Variants in ASAP3 observed in about 807,000 individuals in gnomAD.
The protein encoded by ASAP3 is arf-GAP with SH3 domain, ANK repeat and PH domain-containing protein 3.
ASAP3 carries 85 observed loss-of-function variants against 118.2 expected under a neutral mutation model. The observed-to-expected ratio is 0.72, with a 90% CI of 0.60 to 0.86. The LOEUF (loss-of-function observed/expected upper bound fraction) is 0.86. Among genes scored for constraint, ASAP3 ranks in the 40% least tolerant of loss-of-function variants. ASAP3 has a pLI of 0.00. For synonymous variants in ASAP3, 432 were observed against 477.4 expected (o/e 0.90, Z 1.24); for missense variants, 1,026 against 1,175.0 (o/e 0.87, Z 1.85).
At chr1:23,455,737 G>T in intron 3 of ASAP3, 144 bp downstream of exon 3, 2 of 988,524 alleles carry the variant, frequency 2.0e-6, no homozygotes, top group South Asian at 1.6e-5. Flanking sequence ...AAGGGTCAGG[G>T]CTGGAAAGGG....
chr1:23,457,447 G>A (rs1158455270), intron 1 of ASAP3, among the ~76,000 whole-genome samples: 1 of 152,236 alleles, frequency 6.6e-6, no homozygotes, highest in Non-Finnish European at 1.5e-5. Flanking sequence ...CATGTGGGAA[G>A]CCTCTGGAGG....
chr1:23,484,365 C>A, upstream of ASAP3: 3 of 343,512 alleles, frequency 8.7e-6, no homozygotes. Context: ...GCCCCGGTCC[C>A]GGCCCCGCAC....
At chr1:23,452,635 A>G in intron 4 of ASAP3, 62 bp downstream of exon 4, 3 of 1,554,984 alleles carry the variant, frequency 1.9e-6, no homozygotes, top group Non-Finnish European at 2.7e-6. Context: ...CTGCCCCCCA[A>G]CAGTCTCCTG....
At position 23,451,500 on chromosome 1, in the gene ASAP3, C is replaced by T; in HGVS notation, c.452G>A (p.Trp151Ter). Residue 151 changes from tryptophan to a stop codon, truncating the protein, a stop_gained, in exon 5 of 25, where the codon TGG (tryptophan) becomes TAG (stop). Transcript: ENST00000336689. LOFTEE classifies it high-confidence loss of function. ...QDSKKQLEKA[W>*]KDYEAKMAKL... ...TTACATTTTGGCTTCATAGTCCTTC[C>T]ATGCCTTCTCCAGCTGTTTTTTGGA... is the stretch of plus-strand genomic sequence containing the variant. 6.2e-7 allele frequency: 1 copy of T among 1,614,204 alleles called. No homozygotes were observed. The highest frequency in any genetic ancestry group is 8.5e-7 in the Non-Finnish European group (1 of 1,180,024).
At position 23,441,230 on chromosome 1, in the gene ASAP3, A is replaced by G; in HGVS notation, c.835-19T>C. 6.2e-7 allele frequency: 1 copy of G among 1,613,712 alleles called. No individual in the cohort carries two copies. The highest frequency in any genetic ancestry group is 8.5e-7 in the Non-Finnish European group (1 of 1,179,704). On this transcript the variant is annotated intron_variant, in intron 9 of 24. Coordinates refer to ENST00000336689, the MANE Select transcript of ASAP3 (RefSeq NM_017707.4). The stretch of plus-strand genomic sequence containing the variant: ...GGTGTTCCTGTCCCTCGGACATGCA[A>G]AGGAGACCTCAGGGCATCTCAGTGG...
At chr1:23,464,659 TAAAAAAAAAAAAAAAAAA>T (rs57655847) in intron 1 of ASAP3, among the ~76,000 whole-genome samples, 10 of 47,096 alleles carry the variant, frequency 2.1e-4, no homozygotes, top group East Asian at 1.0e-3. Flanking sequence ...GACACTGTCT[TAAAAAAAAAAAAAAAAAA>T]AAAAAAAAAA....
chr1:23,474,587 T>G (rs573980505), intron 1 of ASAP3, among the ~76,000 whole-genome samples: 1 of 151,866 alleles, frequency 6.6e-6, no homozygotes, highest in Non-Finnish European at 1.5e-5. Context: ...TTTATTTATT[T>G]ATTTTTATTT....
At chr1:23,484,287 C>A (rs1238038377), upstream of ASAP3, 2 of 740,056 alleles carry the variant, frequency 2.7e-6, no homozygotes, top group Non-Finnish European at 1.8e-6. Flanking sequence ...AGCCGCTCTC[C>A]GCTCCTCAGC....
chr1:23,470,111 C>T (rs1425770276), intron 1 of ASAP3, among the ~76,000 whole-genome samples: 1 of 152,172 alleles, frequency 6.6e-6, no homozygotes, highest in Non-Finnish European at 1.5e-5. Flanking sequence ...TGCCATTAAG[C>T]CCTCAGTGTG....
intron 8 of ASAP3, 82 bp from the exon 9 acceptor site, chr1:23,441,555 A>C: frequency 6.3e-7 from 1 of 1,596,912 alleles, no homozygotes; most frequent in South Asian, 1.1e-5. Context: ...GCAGAGCAGT[A>C]GCCTCACTCT....
At chr1:23,473,977 T>TTTTTTTC (rs1354255797) in intron 1 of ASAP3, among the ~76,000 whole-genome samples, 1,331 of 129,612 alleles carry the variant, frequency 0.01, 13 homozygotes, top group Non-Finnish European at 0.018. Flanking sequence ...ATCTGCTCTT[T>TTTTTTTC]TTTTTTTTTT....
chr1:23,454,173 C>T (rs922024148), intron 3 of ASAP3, among the ~76,000 whole-genome samples: 1 of 147,838 alleles, frequency 6.8e-6, no homozygotes, highest in Non-Finnish European at 1.5e-5. Flanking sequence ...GGCATACGCC[C>T]CCACACCTGG....
rs1228088530 is a variant in ASAP3, at chr1:23,436,272, A to G, written c.1572-244T>C. On this transcript the variant is annotated intron_variant, in intron 16 of 24. Coordinates refer to ENST00000336689, the MANE Select transcript of ASAP3 (RefSeq NM_017707.4). The surrounding 1 kb of genome is among the most constrained non-coding windows in gnomAD (Gnocchi z 4.2). ...CTGCTTCCAGGGTTCAAGCAATTCT[A>G]GTGCCTCAACCTCCTGAGTAGCTGG... Among the ~76,000 whole-genome samples, 1 of 152,100 alleles carries G rather than the reference A, an allele frequency of 6.6e-6. No individual in the cohort carries two copies. The highest frequency in any genetic ancestry group is 1.5e-5 in the Non-Finnish European group (1 of 68,026).
chr1:23,457,870 G>T (rs1384052967), intron 1 of ASAP3, among the ~76,000 whole-genome samples: 1 of 152,186 alleles, frequency 6.6e-6, no homozygotes, highest in Admixed American at 6.5e-5. Flanking sequence ...TGGGGAAATC[G>T]ATGCCTACCT....
intron 1 of ASAP3, among the ~76,000 whole-genome samples, chr1:23,475,035 C>T (rs1642083105): frequency 6.6e-6 from 1 of 152,224 alleles, no homozygotes; most frequent in Admixed American, 6.5e-5. Context: ...TCATTGTGTG[C>T]CAGTCTGGCA....
chr1:23,431,216 G>A, intron 23 of ASAP3, 91 bp from the exon 24 acceptor site: 1 of 1,351,170 alleles, frequency 7.4e-7, no homozygotes. Flanking sequence ...CCAGTCTGGG[G>A]GCTTAGGATG....
At chr1:23,463,212 C>A (rs1445888979) in intron 1 of ASAP3, among the ~76,000 whole-genome samples, 1 of 152,066 alleles carries the variant, frequency 6.6e-6, no homozygotes, top group African/African-American at 2.4e-5. Context: ...GAACCACAGA[C>A]TTAAGAACAT....
rs1395763466 is a variant in ASAP3, at chr1:23,483,595, G to C, written c.129+410C>G. On this transcript the variant is annotated intron_variant, in intron 1 of 24. Transcript: ENST00000336689. ...CGGGAGGGGGCCTCTCTGCAGCCGG[G>C]GGGAAGAAAGTTCAGGACTGAGGCG... Among the ~76,000 whole-genome samples the C allele has an allele frequency of 2.0e-5, 3 of 152,280 alleles. No homozygotes were observed. In the East Asian group the frequency reaches 5.8e-4, roughly 29 times the overall value.
At chr1:23,469,992 C>T (rs1299268468) in intron 1 of ASAP3, among the ~76,000 whole-genome samples, 1 of 152,162 alleles carries the variant, frequency 6.6e-6, no homozygotes, top group Non-Finnish European at 1.5e-5. Flanking sequence ...CAGGCATCTT[C>T]AGAGGTGCTG....
Sources: allele counts gnomAD v4.1 joint callset (sites outside exome capture counted in the v4.1 genomes callset), GRCh38; gene constraint gnomAD v4.1.1; non-coding constraint Gnocchi (gnomAD v3.1); transcripts MANE v1.5; gene names NCBI Gene and HGNC (gene_info 2026-07-23, HGNC 2026-07-21).